The following SKA1 variants were observed in gnomAD, a reference collection of about 807,000 sequenced individuals.
SKA1 encodes the protein spindle and kinetochore associated complex subunit 1.
A neutral mutation model predicts 31.8 loss-of-function variants in SKA1; 20 were observed. The observed-to-expected ratio is 0.63, with a 90% confidence interval of 0.44 to 0.91. The LOEUF (loss-of-function observed/expected upper bound fraction) is 0.91, where lower values mean the gene tolerates loss of function less well. SKA1 is among the 40% of genes least tolerant of loss of function. The pLI, the probability that SKA1 is intolerant of heterozygous loss-of-function variation, is 0.00. For synonymous variants in SKA1, 88 were observed against 100.5 expected (o/e 0.88, Z 0.74); for missense variants, 253 against 298.2 (o/e 0.85, Z 1.12).
At chr18:50,384,168 A>C (rs2041283798) in intron 4 of SKA1, among the ~76,000 whole-genome samples, 1 of 152,228 alleles carries the variant, frequency 6.6e-6, no homozygotes, top group Non-Finnish European at 1.5e-5. Flanking sequence ...TTGTTGTCAG[A>C]AAATAAAACT....
chr18:50,387,455 T>C (rs1256435066), intron 5 of SKA1, among the ~76,000 whole-genome samples: 7 of 152,256 alleles, frequency 4.6e-5, no homozygotes, highest in African/African-American at 7.2e-5. Flanking sequence ...TTTTAAGAGT[T>C]CTTTGCATAT....
At chr18:50,390,130 G>T (rs2041344922) in intron 5 of SKA1, among the ~76,000 whole-genome samples, 1 of 152,158 alleles carries the variant, frequency 6.6e-6, no homozygotes, top group South Asian at 2.1e-4. Flanking sequence ...TGGAGAGCTG[G>T]GGTATAAGAG....
At chr18:50,389,023 ATTTG>A (rs1374532237) in intron 5 of SKA1, among the ~76,000 whole-genome samples, 4 of 152,066 alleles carry the variant, frequency 2.6e-5, no homozygotes, top group African/African-American at 9.7e-5. Flanking sequence ...CATTCTCTGC[ATTTG>A]TTTGTCTCTC....
chr18:50,383,664 TAGG>T (rs2041280054), intron 4 of SKA1, among the ~76,000 whole-genome samples: 1 of 152,180 alleles, frequency 6.6e-6, no homozygotes, highest in African/African-American at 2.4e-5. Flanking sequence ...ATCAGGGGAA[TAGG>T]AGGAATTTTC....
intron 3 of SKA1, 79 bp downstream of exon 3, chr18:50,380,329 G>A: frequency 7.3e-7 from 1 of 1,372,496 alleles, no homozygotes; most frequent in South Asian, 1.5e-5. Flanking sequence ...TTTTAAGGAT[G>A]CTTTGTTTAT....
At chr18:50,376,649 A>T (rs1263560416) in intron 2 of SKA1, among the ~76,000 whole-genome samples, 2 of 152,194 alleles carry the variant, frequency 1.3e-5, no homozygotes, top group East Asian at 3.8e-4. Flanking sequence ...ATAAAAAATG[A>T]AAAACTTTCT....
chr18:50,387,486 A>G lies in SKA1; in HGVS notation c.449+2133A>G, dbSNP rs145626112. Among the ~76,000 whole-genome samples the G allele has an allele frequency of 4.5e-4, 68 of 152,240 alleles. No homozygotes were observed. In the East Asian group the frequency reaches 0.011, roughly 25 times the overall value. ...CATATCTTTCTTCCTCTCCTCTAGT[A>G]GTCTCATTACCTGTATGTTATACTT... On this transcript the variant is annotated intron_variant, in intron 5 of 6. Transcript: ENST00000285116.
intron 5 of SKA1, among the ~76,000 whole-genome samples, chr18:50,389,619 A>G (rs8095864): frequency 0.061 from 9,109 of 148,876 alleles, 755 homozygotes; most frequent in African/African-American, 0.19. Context: ...CTGGTCTCAA[A>G]CTCCTGACCT....
intron 5 of SKA1, among the ~76,000 whole-genome samples, chr18:50,390,280 T>C (rs956645430): frequency 1.3e-5 from 2 of 152,206 alleles, no homozygotes; most frequent in African/African-American, 4.8e-5. Context: ...CAAGGAAGTT[T>C]TGACTAGAAA....
chr18:50,375,673 GA>G, intron 1 of SKA1, 146 bp from the exon 2 acceptor site: 1 of 595,670 alleles, frequency 1.7e-6, no homozygotes, highest in Non-Finnish European at 2.9e-6. Context: ...GAATGTTGTA[GA>G]AATGAAAGAA....
At chr18:50,377,254 T>C (rs923295834) in intron 2 of SKA1, among the ~76,000 whole-genome samples, 6 of 152,212 alleles carry the variant, frequency 3.9e-5, no homozygotes, top group Non-Finnish European at 7.3e-5. Flanking sequence ...GATGTTATGA[T>C]GGCTCCGATG....
intron 2 of SKA1, among the ~76,000 whole-genome samples, chr18:50,376,988 A>G (rs1016772185): frequency 9.2e-5 from 14 of 152,022 alleles, no homozygotes; most frequent in African/African-American, 2.4e-4. Flanking sequence ...TGTGATAACA[A>G]TGCCTTCTGG....
intron 4 of SKA1, among the ~76,000 whole-genome samples, chr18:50,384,747 CCT>C: frequency 7.0e-6 from 1 of 142,270 alleles, no homozygotes; most frequent in African/African-American, 2.8e-5. Context: ...GGGAGATATA[CCT>C]AATGCTAGAT....
chr18:50,380,593 T>G (rs1166436746), intron 3 of SKA1, among the ~76,000 whole-genome samples: 1 of 152,240 alleles, frequency 6.6e-6, no homozygotes, highest in Non-Finnish European at 1.5e-5. Context: ...TGGTCCTTGG[T>G]ACTCTCTGCC....
Position 50,380,177 on chromosome 18 carries a change from T to C in SKA1, c.140T>C (p.Ile47Thr). The C allele has an allele frequency of 3.8e-6, 6 of 1,559,946 alleles. No individual in the cohort carries two copies. The highest frequency in any genetic ancestry group is 1.2e-5 in the South Asian group (1 of 81,846). Residue 47 changes from isoleucine (I) to threonine (T), a missense_variant, in exon 3 of 7, where the codon ATT (isoleucine) becomes ACT (threonine). Ile to Thr is a moderately conservative substitution (Grantham distance 89). Transcript: ENST00000285116. ...TVLNKIGDEI[I>T]VINELLNKLE... is the part of the protein sequence containing the mutation. ...TTAAATAAAATAGGAGATGAGATCATTGTAATAAATGAACTTCTAAATAAA... is the reference window on the plus strand; with the variant it reads ...TTAAATAAAATAGGAGATGAGATCACTGTAATAAATGAACTTCTAAATAAA...
At chr18:50,377,678 C>A (rs1046096385) in intron 2 of SKA1, among the ~76,000 whole-genome samples, 1 of 152,196 alleles carries the variant, frequency 6.6e-6, no homozygotes. Flanking sequence ...TATTGGCAGA[C>A]AGAATTCCAT....
Sources: gnomAD v4.1 joint callset for allele counts (sites outside exome capture counted in the v4.1 genomes callset) on GRCh38, gnomAD v4.1.1 for gene constraint, MANE v1.5 for transcripts, NCBI Gene and HGNC (gene_info 2026-07-23, HGNC 2026-07-21) for gene names.